The following KIAA0513 variants were observed in gnomAD, a reference collection of about 807,000 sequenced individuals.
The protein encoded by KIAA0513 is KIAA0513, also known as uncharacterized protein KIAA0513.
Under a neutral mutation model 56.5 loss-of-function variants are expected in KIAA0513, and 39 were observed. The observed-to-expected ratio is 0.69, with a 90% CI of 0.53 to 0.90. KIAA0513 has a LOEUF of 0.90. Ranked by LOEUF, KIAA0513 falls within the 40% of genes least tolerant of loss-of-function variation. The probability of loss-of-function intolerance (pLI) is 0.00; values close to 1 mark genes in which losing one functional copy is unlikely to be tolerated. For missense variants in KIAA0513, 591 were observed against 535.2 expected, an observed-to-expected ratio of 1.10 and a Z score of -1.03; for synonymous variants, 268 against 215.6, an observed-to-expected ratio of 1.24 and a Z score of -2.13.
chr16:85,078,830 G>A (rs1159968279), intron 7 of KIAA0513, 95 bp from the exon 8 acceptor site: 1 of 1,326,984 alleles, frequency 7.5e-7, no homozygotes, highest in Non-Finnish European at 1.1e-6. Context: ...GTGACATTCG[G>A]GGAGAAACTG....
chr16:85,092,404 G>A lies in KIAA0513; in HGVS notation c.*4079G>A, dbSNP rs1429944399. The A allele has an allele frequency of 6.6e-6, 1 of 152,224 alleles. No individual in the cohort carries two copies. The highest frequency in any genetic ancestry group is 2.4e-5 in the African/African-American group (1 of 41,434). The allele number at this position is 152,224 out of a possible 1,614,324, so 9.4% of individuals were successfully genotyped here. ...GAAAGAGAACTTTAAAAATTAGAGG[G>A]TCCCTTTCTGCAGAGGAAGGGATGC... On this transcript the variant is annotated 3_prime_UTR_variant, in exon 13 of 13. Transcript: ENST00000683363.
Position 85,088,615 on chromosome 16 carries a change from G to A in KIAA0513, c.*290G>A. On this transcript the variant is annotated 3_prime_UTR_variant, in exon 13 of 13. Transcript: ENST00000683363. ...GCTTGTGAGATGAGACCAAGAGGGA[G>A]GAGGGGAAGGACTCCATGGGCCATC... 1 of 407,228 alleles carries A rather than the reference G, an allele frequency of 2.5e-6. No individual in the cohort carries two copies. The highest frequency in any genetic ancestry group is 4.5e-6 in the Non-Finnish European group (1 of 222,972). 25.2% of individuals were successfully genotyped at this position (407,228 alleles called of 1,614,324 possible). A position where few individuals can be genotyped will look rare whatever the true frequency, so the allele number is the denominator to read the frequency against.
intron 1 of KIAA0513, among the ~76,000 whole-genome samples, chr16:85,056,589 C>G (rs9939283): frequency 0.15 from 23,005 of 152,180 alleles, 3,091 homozygotes; most frequent in African/African-American, 0.36. Context: ...CCCTGAGAAT[C>G]TCCTTGCCAT....
At chr16:85,066,803 C>T (rs1023637801) in intron 1 of KIAA0513, 97 bp from the exon 2 acceptor site, 22 of 406,374 alleles carry the variant, frequency 5.4e-5, no homozygotes, top group East Asian at 1.2e-4. Flanking sequence ...CCCCAAATTC[C>T]GGAAGAGCAG....
At chr16:85,041,544 T>C (rs1803973111) in intron 1 of KIAA0513, among the ~76,000 whole-genome samples, 1 of 152,172 alleles carries the variant, frequency 6.6e-6, no homozygotes. Context: ...TTATCACAGT[T>C]CCAGTGCTTG....
chr16:85,058,695 CA>C (rs1162079959), intron 1 of KIAA0513, among the ~76,000 whole-genome samples: 2 of 150,906 alleles, frequency 1.3e-5, no homozygotes, highest in African/African-American at 4.9e-5. Context: ...CAAAAAACAA[CA>C]AAAAAAGAAA....
intron 8 of KIAA0513, among the ~76,000 whole-genome samples, chr16:85,080,125 C>G (rs919495110): frequency 1.3e-5 from 2 of 151,932 alleles, no homozygotes; most frequent in African/African-American, 4.8e-5. Flanking sequence ...AGGGCAGGGC[C>G]GGAGCTGTCA....
chr16:85,078,527 G>A (rs895359772), intron 7 of KIAA0513, 72 bp downstream of exon 7: 26 of 1,439,794 alleles, frequency 1.8e-5, no homozygotes, highest in East Asian at 2.3e-5. Flanking sequence ...GCAGGTGCAC[G>A]GCCTCTGGGG....
At chr16:85,038,507 G>T (rs1252909448) in intron 1 of KIAA0513, among the ~76,000 whole-genome samples, 1 of 152,016 alleles carries the variant, frequency 6.6e-6, no homozygotes, top group African/African-American at 2.4e-5. Context: ...AGGAGTTCCA[G>T]ACCGGTCTGA....
chr16:85,031,628 C>T (rs557081146), intron 1 of KIAA0513, among the ~76,000 whole-genome samples: 2 of 152,326 alleles, frequency 1.3e-5, no homozygotes, highest in South Asian at 2.1e-4. Flanking sequence ...TCATTCACCA[C>T]GGTCCTGCCT....
At chr16:85,085,130 G>GCC in intron 10 of KIAA0513, among the ~76,000 whole-genome samples, 1 of 152,342 alleles carries the variant, frequency 6.6e-6, no homozygotes, top group Non-Finnish European at 1.5e-5. Flanking sequence ...TGCGAGGGGT[G>GCC]CGGGGGTTTA....
intron 6 of KIAA0513, 71 bp from the exon 7 acceptor site, chr16:85,078,344 G>A: frequency 1.3e-6 from 2 of 1,555,638 alleles, no homozygotes; most frequent in Non-Finnish European, 1.8e-6. Flanking sequence ...TAGAAGTGTA[G>A]AACAGCGTCT....
chr16:85,077,879 G>C (rs541092649), intron 6 of KIAA0513, among the ~76,000 whole-genome samples: 1 of 152,332 alleles, frequency 6.6e-6, no homozygotes, highest in African/African-American at 2.4e-5. Context: ...GGGATTGTCA[G>C]ATGGCAGAGG....
intron 1 of KIAA0513, among the ~76,000 whole-genome samples, chr16:85,037,057 A>G (rs912605991): frequency 6.6e-6 from 1 of 152,110 alleles, no homozygotes; most frequent in Admixed American, 6.5e-5. Flanking sequence ...GGGGATGGTA[A>G]ATTAGAAGAA....
chr16:85,086,807 G>A, intron 11 of KIAA0513, 83 bp downstream of exon 11: 3 of 1,267,106 alleles, frequency 2.4e-6, no homozygotes, highest in Non-Finnish European at 3.3e-6. Flanking sequence ...CACACCCTGG[G>A]GTGTGATGTC....
chr16:85,044,969 T>G (rs2073151700), intron 1 of KIAA0513, among the ~76,000 whole-genome samples: 1 of 151,828 alleles, frequency 6.6e-6, no homozygotes, highest in Non-Finnish European at 1.5e-5. Context: ...ATGCAAAAAA[T>G]TAGCCGGGCG....
chr16:85,030,300 C>G (rs77640406), intron 1 of KIAA0513, among the ~76,000 whole-genome samples: 9,286 of 152,188 alleles, frequency 0.061, 297 homozygotes, highest in East Asian at 0.075. Flanking sequence ...CGCAGTTCTC[C>G]GGCAGCCTGC....
rs1370794034 is a variant in KIAA0513, at chr16:85,078,922, C to T, written c.824-3C>T. ...CTTTCAGCCATTCTCTCTCCTCCCA[C>T]AGTGACCGCGTACAGCCCCGAGGAC... On this transcript the variant is annotated splice_region_variant and splice_polypyrimidine_tract_variant and intron_variant, in intron 7 of 12. Coordinates refer to ENST00000683363, the MANE Select transcript of KIAA0513 (RefSeq NM_001388359.1). The T allele has an allele frequency of 1.2e-6, 2 of 1,614,172 alleles. No individual in the cohort carries two copies. The highest frequency in any genetic ancestry group is 4.5e-5 in the East Asian group (2 of 44,890).
At chr16:85,086,889 C>T (rs1042057114) in intron 11 of KIAA0513, 165 bp downstream of exon 11, 8 of 833,474 alleles carry the variant, frequency 9.6e-6, no homozygotes, top group East Asian at 5.3e-5. Flanking sequence ...GCCTCCTACA[C>T]GACCCCTGGT....
Sources: allele counts gnomAD v4.1 joint callset (sites outside exome capture counted in the v4.1 genomes callset), GRCh38; gene constraint gnomAD v4.1.1; transcripts MANE v1.5; gene names NCBI Gene and HGNC (gene_info 2026-07-23, HGNC 2026-07-21).